NAPEPLD: variants seen among roughly 807,000 people sequenced by gnomAD.
NAPEPLD encodes N-acyl-phosphatidylethanolamine-hydrolyzing phospholipase D.
Under a neutral mutation model 38.1 loss-of-function variants are expected in NAPEPLD, and 23 were observed. The ratio of observed to expected loss-of-function variants is 0.60; its 90% CI spans 0.43 to 0.86. The LOEUF (loss-of-function observed/expected upper bound fraction) is 0.86, where lower values mean the gene tolerates loss of function less well. Among genes scored for constraint, NAPEPLD ranks in the 40% least tolerant of loss-of-function variants. The probability of loss-of-function intolerance (pLI) is 0.00; values close to 1 mark genes in which losing one functional copy is unlikely to be tolerated. For missense variants in NAPEPLD, 411 were observed against 476.8 expected (o/e 0.86, Z 1.28); for synonymous variants, 147 against 162.0 (o/e 0.91, Z 0.71).
intron 4 of NAPEPLD, among the ~76,000 whole-genome samples, chr7:103,104,975 T>C (rs1163028848): frequency 6.6e-6 from 1 of 152,196 alleles, no homozygotes; most frequent in Admixed American, 6.6e-5. Context: ...ATAACTTTAG[T>C]GTGGAGGGCG....
intron 1 of NAPEPLD, chr7:103,141,579 G>A: frequency 9.7e-7 from 1 of 1,031,406 alleles, no homozygotes; most frequent in South Asian, 1.3e-5. Flanking sequence ...TACAGGCTGT[G>A]ATACATGCGG....
intron 3 of NAPEPLD, 91 bp from the exon 4 acceptor site, chr7:103,115,265 G>A (rs1805329128): frequency 1.1e-6 from 1 of 892,608 alleles, no homozygotes; most frequent in Non-Finnish European, 1.8e-6. Flanking sequence ...TTAAGATTCT[G>A]CGCAGGACTA....
At position 103,119,651 on chromosome 7, in the gene NAPEPLD, A is replaced by C. The variant is rs138314071; in HGVS notation, c.867T>G (p.Pro289=). 4 of 1,614,090 alleles carry C rather than the reference A, an allele frequency of 2.5e-6. No homozygotes were observed. Among genetic ancestry groups the C allele is most frequent in the Non-Finnish European group, 3.4e-6 (4 of 1,180,044 alleles). The part of the protein sequence containing the change: ...FFFAGDTGYC[P]AFEEIGKRFG... ...ATCTTTTTCCTATCTCTTCAAAAGCAGGGCAATAACCAGTATCTCCTGCGA... is the reference window on the plus strand; with the variant it reads ...ATCTTTTTCCTATCTCTTCAAAAGCCGGGCAATAACCAGTATCTCCTGCGA... Residue 289 remains proline, a synonymous_variant, in exon 3 of 5, where the codon CCT becomes CCG. Transcript: ENST00000465647.
intron 4 of NAPEPLD, among the ~76,000 whole-genome samples, chr7:103,106,235 G>A (rs1455327217): frequency 6.6e-6 from 1 of 152,140 alleles, no homozygotes; most frequent in Non-Finnish European, 1.5e-5. Flanking sequence ...TTTTCCAATA[G>A]TGTTCGTAAC....
At chr7:103,142,344 G>A (rs1811586222) in intron 1 of NAPEPLD, among the ~76,000 whole-genome samples, 1 of 152,176 alleles carries the variant, frequency 6.6e-6, no homozygotes, top group Admixed American at 6.5e-5. Flanking sequence ...GGTGACTCAT[G>A]CCTGTAATCC....
intron 1 of NAPEPLD, chr7:103,148,130 A>C (rs1812956954): frequency 1.0e-6 from 1 of 981,612 alleles, no homozygotes; most frequent in African/African-American, 1.7e-5. Flanking sequence ...GAAATGTTAG[A>C]GATTTCCATT....
At chr7:103,142,237 C>A (rs1449700669) in intron 1 of NAPEPLD, among the ~76,000 whole-genome samples, 1 of 152,174 alleles carries the variant, frequency 6.6e-6, no homozygotes, top group Non-Finnish European at 1.5e-5. Context: ...GTTCAGCACT[C>A]CAAGTTAGAG....
chr7:103,137,723 G>T, intron 1 of NAPEPLD, among the ~76,000 whole-genome samples: 1 of 151,600 alleles, frequency 6.6e-6, no homozygotes, highest in Admixed American at 6.6e-5. Flanking sequence ...GGCTGAGGTG[G>T]GAGGACTGCT....
rs1006361748 is a variant in NAPEPLD, at chr7:103,103,158, A to G, written c.*271T>C. The G allele has an allele frequency of 4.5e-6, 1 of 220,658 alleles. No individual in the cohort carries two copies. The highest frequency in any genetic ancestry group is 8.8e-6 in the Non-Finnish European group (1 of 113,414). The allele number at this position is 220,658 out of a possible 1,614,324, so 13.7% of individuals were successfully genotyped here. ...AAAAATATAATGTTTTAGTAAAAACATTTCCATTGCAGTGCTTATATCATG... is the reference window on the plus strand; with the variant it reads ...AAAAATATAATGTTTTAGTAAAAACGTTTCCATTGCAGTGCTTATATCATG... On this transcript the variant is annotated 3_prime_UTR_variant, in exon 5 of 5. Coordinates refer to ENST00000465647, the MANE Select transcript of NAPEPLD (RefSeq NM_001122838.3).
chr7:103,106,369 C>T (rs1338540782), intron 4 of NAPEPLD, among the ~76,000 whole-genome samples: 11 of 151,614 alleles, frequency 7.3e-5, no homozygotes, highest in African/African-American at 2.7e-4. Context: ...TTTTTCATAC[C>T]CCAGTGGCAC....
intron 2 of NAPEPLD, among the ~76,000 whole-genome samples, chr7:103,123,326 A>C (rs1807090620): frequency 6.6e-6 from 1 of 152,230 alleles, no homozygotes; most frequent in Admixed American, 6.5e-5. Flanking sequence ...TGTGCTCAAC[A>C]AAATTTGTTG....
rs532666525 is a variant in NAPEPLD, at chr7:103,127,301, G to T, written c.294+1182C>A. The T allele has an allele frequency of 5.3e-5, 8 of 152,256 alleles. 1 individual carries two copies. Among genetic ancestry groups the T allele is most frequent in the Admixed American group, 2.0e-4 (3 of 15,286 alleles). The allele number at this position is 152,256 out of a possible 1,614,324, so 9.4% of individuals were successfully genotyped here. ...CAGCCACACTAGAAATAAAGTTATG[G>T]AGGCAATACTCTCAAATTCTGAGAG... is the stretch of plus-strand genomic sequence containing the variant. On this transcript the variant is annotated intron_variant, in intron 2 of 4. Transcript: ENST00000465647.
At position 103,103,230 on chromosome 7, in the gene NAPEPLD, C is replaced by A; in HGVS notation, c.*199G>T. ...TTAGCCAATTCATTATTTAAATGACCCACCCCTGAACCCTCTCATAGTGTA... is the reference window on the plus strand; with the variant it reads ...TTAGCCAATTCATTATTTAAATGACACACCCCTGAACCCTCTCATAGTGTA... On this transcript the variant is annotated 3_prime_UTR_variant, in exon 5 of 5. Transcript: ENST00000465647. 1 of 423,254 alleles carries A rather than the reference C, an allele frequency of 2.4e-6. No individual in the cohort carries two copies. The highest frequency in any genetic ancestry group is 4.0e-6 in the Non-Finnish European group (1 of 247,356). 26.2% of individuals were successfully genotyped at this position (423,254 alleles called of 1,614,324 possible).
Position 103,148,901 on chromosome 7 carries a change from A to C in NAPEPLD, c.-107T>G. On this transcript the variant is annotated 5_prime_UTR_variant, in exon 1 of 5. Coordinates refer to ENST00000465647, the MANE Select transcript of NAPEPLD (RefSeq NM_001122838.3). Reference sequence around the variant, plus strand: ...ACAGCTACTCTCCCAAAGAGAAAAAAAATAATGCTGTGGCTCTTCACCGAG... The same window carrying C: ...ACAGCTACTCTCCCAAAGAGAAAAACAATAATGCTGTGGCTCTTCACCGAG... 1 of 985,412 alleles carries C rather than the reference A, an allele frequency of 1.0e-6. No homozygotes were observed. The highest frequency in any genetic ancestry group is 1.2e-6 in the Non-Finnish European group (1 of 829,940). 61.0% of individuals were successfully genotyped at this position (985,412 alleles called of 1,614,324 possible).
rs1488957989 is a variant in NAPEPLD, at chr7:103,102,882, CATATTTA to C, written c.*540_*546del. ...TGTTTTTATGCTTACCTAAATAAAC[CATATTTA>C]ATATTTGGCATATAAGCTAATTTGA... On this transcript the variant is annotated 3_prime_UTR_variant, in exon 5 of 5. Transcript: ENST00000465647. 1 of 152,386 alleles carries C rather than the reference CATATTTA, an allele frequency of 6.6e-6. No individual in the cohort carries two copies. The highest frequency in any genetic ancestry group is 2.4e-5 in the African/African-American group (1 of 41,372). The allele number at this position is 152,386 out of a possible 1,614,324, so 9.4% of individuals were successfully genotyped here. A position where few individuals can be genotyped will look rare whatever the true frequency, so the allele number is the denominator to read the frequency against.
At position 103,119,852 on chromosome 7, in the gene NAPEPLD, A is replaced by C; in HGVS notation, c.666T>G (p.Cys222Trp). 6.2e-7 allele frequency: 1 copy of C among 1,614,184 alleles called. No individual in the cohort carries two copies. The stretch of plus-strand genomic sequence containing the variant: ...CCAACTCAATCACATTCTCACAGCC[A>C]CATTTTTGCATCCAGTCAAGGAGAC... ...PLGLLDWMQK[C>W]GCENVIELDW... The change falls in exon 3 of 5, where the codon TGT becomes TGG. Residue 222 changes from cysteine (C) to tryptophan (W), a missense_variant. Transcript: ENST00000465647.
At chr7:103,145,490 T>C (rs1812351274) in intron 1 of NAPEPLD, among the ~76,000 whole-genome samples, 1 of 152,234 alleles carries the variant, frequency 6.6e-6, no homozygotes, top group Non-Finnish European at 1.5e-5. Context: ...TTCATATCTG[T>C]GAAATGGTGG....
chr7:103,142,854 A>T (rs2129536802), intron 1 of NAPEPLD, among the ~76,000 whole-genome samples: 1 of 152,312 alleles, frequency 6.6e-6, no homozygotes, highest in Admixed American at 6.5e-5. Flanking sequence ...CTAGGAGTCA[A>T]ATAATAGAAG....
rs1205009128 is a variant in NAPEPLD, at chr7:103,136,933, ATTGT to A, written c.-16-8145_-16-8142del. Among the ~76,000 whole-genome samples, 15 of 152,086 alleles carry A rather than the reference ATTGT, an allele frequency of 9.9e-5. No homozygotes were observed. In the South Asian group the frequency reaches 1.5e-3, roughly 15 times the overall value. On this transcript the variant is annotated intron_variant, in intron 1 of 4. Coordinates refer to ENST00000465647, the MANE Select transcript of NAPEPLD (RefSeq NM_001122838.3). ...CAAAAGCATTTAAGAGTCCAAATAA[ATTGT>A]TTGTTTGTTTGTTTGTTTTGAGATG...
Sources: gnomAD v4.1 joint callset for allele counts (sites outside exome capture counted in the v4.1 genomes callset) on GRCh38, gnomAD v4.1.1 for gene constraint, MANE v1.5 for transcripts, NCBI Gene and HGNC (gene_info 2026-07-23, HGNC 2026-07-21) for gene names.